Variants in SDSL observed in about 807,000 individuals in gnomAD.
SDSL encodes serine dehydratase like.
A neutral mutation model predicts 27.6 loss-of-function variants in SDSL; 26 were observed. That is an observed-to-expected ratio of 0.94 (90% confidence interval 0.69 to 1.31). The LOEUF (loss-of-function observed/expected upper bound fraction) is 1.31. Ranked by LOEUF, SDSL falls within the 50% of genes most tolerant of loss-of-function variation. SDSL has a pLI of 0.00. For missense variants in SDSL, 431 were observed against 423.5 expected (o/e 1.02, Z -0.16); for synonymous variants, 196 against 180.6 (o/e 1.09, Z -0.69).
At chr12:113,423,933 C>A (rs1013148758) in intron 1 of SDSL, among the ~76,000 whole-genome samples, 1 of 152,154 alleles carries the variant, frequency 6.6e-6, no homozygotes, top group Non-Finnish European at 1.5e-5. Flanking sequence ...TCACAATAGT[C>A]CTGCCATGTA....
At chr12:113,429,537 G>A (rs1957894044) in intron 4 of SDSL, among the ~76,000 whole-genome samples, 2 of 152,118 alleles carry the variant, frequency 1.3e-5, no homozygotes, top group Admixed American at 6.5e-5. Flanking sequence ...AAGACAAATG[G>A]GAAGCTGACG....
chr12:113,423,133 A>G (rs565568916), intron 1 of SDSL, among the ~76,000 whole-genome samples: 3 of 152,270 alleles, frequency 2.0e-5, no homozygotes, highest in East Asian at 3.9e-4. Context: ...TTTTTCATTT[A>G]ACTGATGCCT....
chr12:113,428,938 C>T (rs1444523951), intron 3 of SDSL, among the ~76,000 whole-genome samples: 3 of 151,634 alleles, frequency 2.0e-5, no homozygotes, highest in Admixed American at 6.6e-5. Flanking sequence ...TTTTTGGCCC[C>T]GCTTGGGTGG....
intron 6 of SDSL, 96 bp downstream of exon 6, chr12:113,435,652 A>G: frequency 1.9e-6 from 2 of 1,030,254 alleles, no homozygotes; most frequent in Non-Finnish European, 1.4e-6. Flanking sequence ...GGGGGCACCC[A>G]AAAGGCTGTC....
At chr12:113,432,281 T>TC (rs1491372099) in intron 4 of SDSL, among the ~76,000 whole-genome samples, 21 of 142,904 alleles carry the variant, frequency 1.5e-4, no homozygotes, top group African/African-American at 3.0e-4. Flanking sequence ...TCTTTCTTTC[T>TC]TTCTTTCTTT....
chr12:113,436,381 T>G (rs1957993452), intron 6 of SDSL, among the ~76,000 whole-genome samples: 1 of 152,016 alleles, frequency 6.6e-6, no homozygotes, highest in South Asian at 2.1e-4. Flanking sequence ...CTCTACCTGC[T>G]GGGTTCAAGT....
At chr12:113,432,260 C>CTTTCTTTCTTTCT (rs1565879113) in intron 4 of SDSL, among the ~76,000 whole-genome samples, 1 of 137,584 alleles carries the variant, frequency 7.3e-6, no homozygotes, top group Non-Finnish European at 1.6e-5. Flanking sequence ...TTCTTTCTTT[C>CTTTCTTTCTTTCT]TTTCTTTCTT....
intron 6 of SDSL, among the ~76,000 whole-genome samples, chr12:113,435,935 A>G (rs1028459349): frequency 3.3e-5 from 5 of 152,162 alleles, no homozygotes; most frequent in Non-Finnish European, 5.9e-5. Flanking sequence ...TGGCCAACAT[A>G]TAGTGAAACC....
intron 4 of SDSL, among the ~76,000 whole-genome samples, chr12:113,432,209 C>CTTCTTTCTTTCTTTCT: frequency 9.7e-6 from 1 of 102,594 alleles, no homozygotes; most frequent in Non-Finnish European, 1.9e-5. Context: ...TGTTTGTTTG[C>CTTCTTTCTTTCTTTCT]TTCTTTCTTT....
rs150420059 is a variant in SDSL, at chr12:113,437,955, G to A, written c.866G>A (p.Arg289Gln). Reference sequence around the variant, plus strand: ...GCAGCCATCTACTCAGGCCTCCTGCGGAGGCTCCAGGCCGAGGGCTGCCTG... The same window carrying A: ...GCAGCCATCTACTCAGGCCTCCTGCAGAGGCTCCAGGCCGAGGGCTGCCTG... ...ALAAIYSGLLRRLQAEGCLPP... is the reference protein window; with the variant it reads ...ALAAIYSGLLQRLQAEGCLPP... The change falls in exon 8 of 8, where the codon CGG (arginine) becomes CAG (glutamine). Residue 289 changes from arginine (R) to glutamine (Q), a missense_variant. Arg to Gln is a conservative substitution (Grantham distance 43). Transcript: ENST00000403593. The A allele has an allele frequency of 1.3e-3, 2,027 of 1,614,078 alleles. 9 individuals are homozygous for A. In the Middle Eastern group the frequency reaches 0.016, roughly 12 times the overall value.
At chr12:113,432,222 T>G (rs1382021946) in intron 4 of SDSL, among the ~76,000 whole-genome samples, 2 of 8,290 alleles carry the variant, frequency 2.4e-4, no homozygotes, top group Non-Finnish European at 6.2e-4. Context: ...CTTTCTTTCT[T>G]TCTTTCTTTC....
At chr12:113,433,899 G>A (rs1265258201) in intron 4 of SDSL, among the ~76,000 whole-genome samples, 1 of 152,216 alleles carries the variant, frequency 6.6e-6, no homozygotes, top group Admixed American at 6.5e-5. Flanking sequence ...TCATAGTGTG[G>A]CAGTAGGACA....
chr12:113,435,214 G>T (rs1957972930), intron 5 of SDSL, 115 bp from the exon 6 acceptor site: 7 of 634,056 alleles, frequency 1.1e-5, no homozygotes, highest in South Asian at 1.1e-4. Flanking sequence ...GTGGGGAGGG[G>T]TTTATGTATA....
chr12:113,427,934 T>C, intron 1 of SDSL, 28 bp from the exon 2 acceptor site: 1 of 1,569,906 alleles, frequency 6.4e-7, no homozygotes, highest in Non-Finnish European at 8.6e-7. Flanking sequence ...GGGGACTGCC[T>C]GGGTGGTGAC....
In SDSL at chr12:113,436,774, A is replaced by G. The variant is rs779985482; in HGVS notation, c.695A>G (p.Lys232Arg). The change falls in exon 7 of 8, where the codon AAG (lysine) becomes AGG (arginine). Residue 232 changes from lysine to arginine, a missense_variant. Coordinates refer to ENST00000403593, the MANE Select transcript of SDSL (RefSeq NM_001304993.2). Reference protein sequence around the residue: ...ITSVAKSLGAKTVAARALECM... With the variant: ...ITSVAKSLGARTVAARALECM... ...AGTGTGGCCAAGAGCCTGGGTGCCA[A>G]GACGGTGGCCGCTCGGGCCCTGGAG... 6.2e-7 allele frequency: 1 copy of G among 1,610,212 alleles called. No homozygotes were observed. The highest frequency in any genetic ancestry group is 8.5e-7 in the Non-Finnish European group (1 of 1,179,342).
At chr12:113,435,817 A>G (rs1379176233) in intron 6 of SDSL, among the ~76,000 whole-genome samples, 2 of 152,226 alleles carry the variant, frequency 1.3e-5, no homozygotes, top group Admixed American at 1.3e-4. Flanking sequence ...GTGTGTTGCA[A>G]ATAAGTTTGA....
intron 5 of SDSL, among the ~76,000 whole-genome samples, chr12:113,434,899 G>C (rs958003934): frequency 1.3e-5 from 2 of 152,192 alleles, no homozygotes; most frequent in African/African-American, 4.8e-5. Flanking sequence ...TGGATCACCT[G>C]AGGTCAGGAG....
intron 6 of SDSL, 24 bp from the exon 7 acceptor site, chr12:113,436,727 G>C: frequency 6.4e-7 from 1 of 1,567,380 alleles, no homozygotes; most frequent in Non-Finnish European, 8.6e-7. Context: ...TGGTCTCCCT[G>C]CCCCACCCTG....
rs1958025351 is a variant in SDSL at position 113,438,139 on chromosome 12, T to A, written c.*60T>A. ...GCCCATGGACAGTCCTGTGTCTGGA[T>A]GAGGAGGACTCAGTGCTGGCAGATG... On this transcript the variant is annotated 3_prime_UTR_variant, in exon 8 of 8. Transcript: ENST00000403593. 4 of 1,418,306 alleles carry A rather than the reference T, an allele frequency of 2.8e-6. No homozygotes were observed. Among genetic ancestry groups the A allele is most frequent in the Non-Finnish European group, 2.9e-6 (3 of 1,035,460 alleles). 87.9% of individuals were successfully genotyped at this position (1,418,306 alleles called of 1,614,324 possible).
Sources: gnomAD v4.1 joint callset for allele counts (sites outside exome capture counted in the v4.1 genomes callset) on GRCh38, gnomAD v4.1.1 for gene constraint, MANE v1.5 for transcripts, NCBI Gene and HGNC (gene_info 2026-07-23, HGNC 2026-07-21) for gene names.